The following CPEB3 variants were observed in gnomAD, a reference collection of about 807,000 sequenced individuals.
CPEB3 encodes cytoplasmic polyadenylation element binding protein 3.
CPEB3 carries 20 observed loss-of-function variants against 67.2 expected under a neutral mutation model. That is an observed-to-expected ratio of 0.30 (90% CI 0.21 to 0.43). The LOEUF (loss-of-function observed/expected upper bound fraction) is 0.43. CPEB3 is among the 20% of genes least tolerant of loss of function. The pLI, the probability that CPEB3 is intolerant of heterozygous loss-of-function variation, is 1.00. For missense variants in CPEB3, 746 were observed against 968.6 expected (o/e 0.77, Z 3.05); for synonymous variants, 376 against 393.1 (o/e 0.96, Z 0.51).
intron 9 of CPEB3, among the ~76,000 whole-genome samples, chr10:92,067,033 A>G (rs1842576103): frequency 1.3e-5 from 2 of 151,972 alleles, no homozygotes; most frequent in South Asian, 2.1e-4. Context: ...TGGGTGACAC[A>G]GCCGAGACTC....
chr10:92,101,426 A>C (rs1169804871), intron 7 of CPEB3, among the ~76,000 whole-genome samples: 1 of 152,146 alleles, frequency 6.6e-6, no homozygotes. Flanking sequence ...TCTCCCCAAC[A>C]AGAAGCAGCA....
intron 4 of CPEB3, among the ~76,000 whole-genome samples, chr10:92,155,695 T>C (rs546897312): frequency 6.6e-6 from 1 of 152,210 alleles, no homozygotes; most frequent in Non-Finnish European, 1.5e-5. Flanking sequence ...CTCTCTCTCA[T>C]CATTCTCTTC....
intron 1 of CPEB3, among the ~76,000 whole-genome samples, chr10:92,249,091 A>G (rs896583010): frequency 1.4e-4 from 21 of 152,166 alleles, no homozygotes; most frequent in African/African-American, 5.1e-4. Context: ...AAATTATAGC[A>G]CATAAGGCCG....
intron 6 of CPEB3, among the ~76,000 whole-genome samples, chr10:92,122,364 T>A (rs1006238614): frequency 6.6e-6 from 1 of 152,186 alleles, no homozygotes; most frequent in Admixed American, 6.5e-5. Flanking sequence ...AGTTCATTAG[T>A]TAGAGTATAG....
At chr10:92,171,191 G>GC (rs369951596) in intron 4 of CPEB3, among the ~76,000 whole-genome samples, 203 of 152,302 alleles carry the variant, frequency 1.3e-3, no homozygotes, top group Middle Eastern at 6.8e-3. Flanking sequence ...CGGAAGGGCT[G>GC]CAGTAGCATG....
chr10:92,106,143 T>C (rs952634668), intron 7 of CPEB3, among the ~76,000 whole-genome samples: 3 of 151,808 alleles, frequency 2.0e-5, no homozygotes, highest in Non-Finnish European at 4.4e-5. Context: ...TCCACCCAGC[T>C]CAGCCTCCCA....
At chr10:92,263,377 C>A (rs566726158) in intron 1 of CPEB3, among the ~76,000 whole-genome samples, 1 of 152,210 alleles carries the variant, frequency 6.6e-6, no homozygotes, top group South Asian at 2.1e-4. Flanking sequence ...CTGTGCCCAG[C>A]CCAATAAAGC....
chr10:92,291,083 G>C, upstream of CPEB3: 1 of 261,274 alleles, frequency 3.8e-6, no homozygotes. Context: ...GCCTCTAGTG[G>C]AGACGGTCCG....
rs984013045 is a variant in CPEB3, at chr10:92,098,770, CTTTT to C, written c.1573-6830_1573-6827del. On this transcript the variant is annotated intron_variant, in intron 7 of 9. Coordinates refer to ENST00000265997, the MANE Select transcript of CPEB3 (RefSeq NM_014912.5). ...CCAGTTTAACTATTTTTCTTTTTTT[CTTTT>C]TTTTTTTTTTTTTTTGAGATGGAGT... Among the ~76,000 whole-genome samples the C allele has an allele frequency of 1.5e-4, 19 of 124,554 alleles. No individual in the cohort carries two copies. The South Asian group carries it at 4.1e-3, about 27-fold the overall frequency. The allele number at this position is 124,554 out of a possible 152,430, so 81.7% of individuals were successfully genotyped here. A position where few individuals can be genotyped will look rare whatever the true frequency, so the allele number is the denominator to read the frequency against.
rs1388432006 is a variant in CPEB3 at position 92,048,139 on chromosome 10, C to G, written c.*4073G>C. On this transcript the variant is annotated 3_prime_UTR_variant, in exon 10 of 10. Transcript: ENST00000265997. This position sits in a 1 kb window ranked among gnomAD's most constrained non-coding sequence, Gnocchi z 4.1. The stretch of plus-strand genomic sequence containing the variant: ...CCGACACATAGTCAGGGTCCACAGA[C>G]AGTGGTGACATCCGAGTGTGCTTCC... 1.3e-5 allele frequency: 2 copies of G among 152,266 alleles called. No individual in the cohort carries two copies. Among genetic ancestry groups the G allele is most frequent in the Non-Finnish European group, 2.9e-5 (2 of 68,090 alleles). The allele number at this position is 152,266 out of a possible 1,614,324, so 9.4% of individuals were successfully genotyped here. A position where few individuals can be genotyped will look rare whatever the true frequency, so the allele number is the denominator to read the frequency against.
At chr10:92,061,522 C>G (rs1014727082) in intron 9 of CPEB3, among the ~76,000 whole-genome samples, 2 of 151,700 alleles carry the variant, frequency 1.3e-5, no homozygotes, top group African/African-American at 4.8e-5. Flanking sequence ...AAGATCCAGC[C>G]ATTTGCAACA....
intron 3 of CPEB3, among the ~76,000 whole-genome samples, chr10:92,186,225 C>CAAA (rs374713049): frequency 8.8e-6 from 1 of 113,802 alleles, no homozygotes; most frequent in Non-Finnish European, 1.8e-5. Context: ...AAAAAAAATA[C>CAAA]AAAAAAAAAA....
At position 92,049,868 on chromosome 10, in the gene CPEB3, C is replaced by T. The variant is rs1465757980; in HGVS notation, c.*2344G>A. 2 of 152,446 alleles carry T rather than the reference C, an allele frequency of 1.3e-5. No individual in the cohort carries two copies. The highest frequency in any genetic ancestry group is 2.9e-5 in the Non-Finnish European group (2 of 68,014). 9.4% of individuals were successfully genotyped at this position (152,446 alleles called of 1,614,324 possible). ...TAATATTATAGTTATAAAGCTCTAA[C>T]TTCTTCATTTTCAAAAAACACAAAT... On this transcript the variant is annotated 3_prime_UTR_variant, in exon 10 of 10. Coordinates refer to ENST00000265997, the MANE Select transcript of CPEB3 (RefSeq NM_014912.5).
chr10:92,208,705 T>C (rs762375397), intron 2 of CPEB3, among the ~76,000 whole-genome samples: 1 of 151,956 alleles, frequency 6.6e-6, no homozygotes, highest in Non-Finnish European at 1.5e-5. Context: ...GCCATTCTCA[T>C]GCCTCAGCCT....
At chr10:92,131,826 T>C (rs1302087287) in intron 6 of CPEB3, among the ~76,000 whole-genome samples, 14 of 152,124 alleles carry the variant, frequency 9.2e-5, no homozygotes, top group Non-Finnish European at 2.1e-4. Flanking sequence ...TCCTTAAAGA[T>C]GTAAAAAAAA....
chr10:92,131,083 C>A (rs1845824115), intron 6 of CPEB3, among the ~76,000 whole-genome samples: 1 of 152,138 alleles, frequency 6.6e-6, no homozygotes, highest in African/African-American at 2.4e-5. Flanking sequence ...TAGCTGAGAG[C>A]AAAACACAAC....
Position 92,216,655 on chromosome 10 carries a change from C to A in CPEB3, c.1005+22691G>T, listed in dbSNP as rs1178372889. ...ACCGAAATCTGCCCTATGTCTATAT[C>A]CCCTCTAAGACGGACCTGGGTGCAG... On this transcript the variant is annotated intron_variant, in intron 2 of 9. Transcript: ENST00000265997. The A allele has an allele frequency of 4.4e-6, 7 of 1,606,776 alleles. No individual in the cohort carries two copies. In the Admixed American group the frequency reaches 1.2e-4, roughly 27 times the overall value.
In CPEB3 at chr10:92,247,727, G is replaced by A. The variant is rs138099823; in HGVS notation, c.-11-7366C>T. On this transcript the variant is annotated intron_variant, in intron 1 of 9. Coordinates refer to ENST00000265997, the MANE Select transcript of CPEB3 (RefSeq NM_014912.5). Reference sequence around the variant, plus strand: ...GGGGTTTCACCTTGTTCACCAGGCTGGTCTCGAACTCTTGACCTCAAGAGA... The same window carrying A: ...GGGGTTTCACCTTGTTCACCAGGCTAGTCTCGAACTCTTGACCTCAAGAGA... Among the ~76,000 whole-genome samples the A allele has an allele frequency of 5.4e-3, 816 of 152,110 alleles. 8 individuals are homozygous for A. The highest frequency in any genetic ancestry group is 0.019 in the African/African-American group (777 of 41,482).
chr10:92,223,843 G>A (rs1431444731), intron 2 of CPEB3, among the ~76,000 whole-genome samples: 2 of 151,694 alleles, frequency 1.3e-5, no homozygotes, highest in African/African-American at 2.4e-5. Context: ...CCAACTCCCG[G>A]ATTCAAGCAA....
Sources: allele counts gnomAD v4.1 joint callset (sites outside exome capture counted in the v4.1 genomes callset), GRCh38; gene constraint gnomAD v4.1.1; non-coding constraint Gnocchi (gnomAD v3.1); transcripts MANE v1.5; gene names NCBI Gene and HGNC (gene_info 2026-07-23, HGNC 2026-07-21).